INO80E: variants seen among roughly 807,000 people sequenced by gnomAD.
INO80E encodes coiled-coil domain containing 95.
In INO80E, 20 loss-of-function variants were observed where a neutral mutation model predicts 27.3. The ratio of observed to expected loss-of-function variants is 0.73; its 90% CI spans 0.51 to 1.06. The LOEUF (loss-of-function observed/expected upper bound fraction) is 1.06. Ranked by LOEUF, INO80E falls within the 50% of genes least tolerant of loss-of-function variation. INO80E has a pLI of 0.00. For synonymous variants in INO80E, 167 were observed against 145.9 expected (o/e 1.14, Z -1.04); for missense variants, 357 against 322.8 (o/e 1.11, Z -0.81).
Position 30,005,249 on chromosome 16 carries a change from T to C in INO80E, c.542T>C (p.Val181Ala). 1 of 1,467,250 alleles carries C rather than the reference T, an allele frequency of 6.8e-7. No individual in the cohort carries two copies. The highest frequency in any genetic ancestry group is 9.0e-7 in the Non-Finnish European group (1 of 1,113,444). 90.9% of individuals were successfully genotyped at this position (1,467,250 alleles called of 1,614,324 possible). The change falls in exon 7 of 7, where the codon GTG (valine) becomes GCG (alanine). Residue 181 changes from valine (V) to alanine (A), a missense_variant. Coordinates refer to ENST00000563197, the MANE Select transcript of INO80E (RefSeq NM_173618.3). ...GCGGTGGGACCCCCCGACTGCCCTG[T>C]GGGAGGGCCGCTGACCTTCCCTGGC... ...KMAVGPPDCPVGGPLTFPGRG... is the reference protein window; with the variant it reads ...KMAVGPPDCPAGGPLTFPGRG...
chr16:29,998,719 C>G (rs188645066), intron 3 of INO80E, among the ~76,000 whole-genome samples: 11 of 152,226 alleles, frequency 7.2e-5, no homozygotes, highest in African/African-American at 1.2e-4. Context: ...TAAGCCATGT[C>G]ACGTAGAATC....
intron 3 of INO80E, among the ~76,000 whole-genome samples, chr16:29,997,857 T>A (rs1242285937): frequency 1.3e-5 from 2 of 151,852 alleles, no homozygotes; most frequent in African/African-American, 4.8e-5. Flanking sequence ...AGAGTGACAT[T>A]TGAGTTGGGA....
chr16:30,001,014 G>A lies in INO80E; in HGVS notation c.370G>A (p.Gly124Arg), dbSNP rs201014829. 4.0e-4 allele frequency: 620 copies of A among 1,551,842 alleles called. 7 individuals are homozygous for A. The East Asian group carries it at 0.012, about 29-fold the overall frequency. ...PSTGFPLQAS[G>R]VPSPYLSSLA... ...AACAGGGTTTCCCCTTCAGGCCTCC[G>A]GGGTCCCCTCCCCATACCTGAGCTC... Residue 124 changes from glycine to arginine, a missense_variant, in exon 5 of 7, where the codon GGG (glycine) becomes AGG (arginine). Coordinates refer to ENST00000563197, the MANE Select transcript of INO80E (RefSeq NM_173618.3).
At chr16:30,000,420 G>T (rs956300543) in intron 3 of INO80E, among the ~76,000 whole-genome samples, 1 of 152,170 alleles carries the variant, frequency 6.6e-6, no homozygotes, top group Non-Finnish European at 1.5e-5. Flanking sequence ...ACCCAGGCTG[G>T]CGTGCAGTGT....
intron 6 of INO80E, 77 bp downstream of exon 6, chr16:30,001,607 C>A: frequency 1.5e-6 from 2 of 1,370,956 alleles, no homozygotes; most frequent in South Asian, 1.3e-5. Flanking sequence ...AAGGCGGGGG[C>A]CTGTCAGAGA....
At position 30,005,332 on chromosome 16, in the gene INO80E, C is replaced by A. The variant is rs1463079683; in HGVS notation, c.625C>A (p.Pro209Thr). Residue 209 changes from proline (P) to threonine (T), a missense_variant, in exon 7 of 7, where the codon CCC becomes ACC. Physicochemically the swap from Pro to Thr is conservative, Grantham distance 38. Transcript: ENST00000563197. ...TLTPLPPPKM[P>T]PPTILSTVPR... ...GACCCCCCTCCCACCCCCTAAGATGCCCCCCCCCACGATCCTGAGCACGGT... is the reference window on the plus strand; with the variant it reads ...GACCCCCCTCCCACCCCCTAAGATGACCCCCCCCACGATCCTGAGCACGGT... 1.5e-5 allele frequency: 4 copies of A among 262,946 alleles called. No homozygotes were observed. The South Asian group carries it at 3.1e-4, about 20-fold the overall frequency. The allele number at this position is 262,946 out of a possible 1,614,324, so 16.3% of individuals were successfully genotyped here. A position where few individuals can be genotyped will look rare whatever the true frequency, so the allele number is the denominator to read the frequency against.
rs1821151545 is a variant in INO80E at position 30,003,276 on chromosome 16, C to T, written c.513+1746C>T. 1 of 152,266 alleles carries T rather than the reference C, an allele frequency of 6.6e-6. No individual in the cohort carries two copies. The highest frequency in any genetic ancestry group is 6.6e-5 in the Admixed American group (1 of 15,260). 9.4% of individuals were successfully genotyped at this position (152,266 alleles called of 1,614,324 possible). The stretch of plus-strand genomic sequence containing the variant: ...CCCAGGGTGAGTGGATTTGGATATT[C>T]CTGGCTGAAGCCATAGTGGGAAGGG... On this transcript the variant is annotated intron_variant, in intron 6 of 6. Transcript: ENST00000563197. This position sits in a 1 kb window ranked among gnomAD's most constrained non-coding sequence, Gnocchi z 4.4.
chr16:29,998,796 A>G (rs1336872052), intron 3 of INO80E, among the ~76,000 whole-genome samples: 2 of 152,182 alleles, frequency 1.3e-5, no homozygotes, highest in Non-Finnish European at 2.9e-5. Context: ...TTGTAATCCC[A>G]GCACTTTGGG....
Position 30,005,480 on chromosome 16 carries a change from G to T in INO80E, c.*38G>T, listed in dbSNP as rs2070543547. Reference sequence around the variant, plus strand: ...GCCATGCCCACCACGGCCCCGCCCGGCGCCCTCCCCGTGCCAGCACACACG... The same window carrying T: ...GCCATGCCCACCACGGCCCCGCCCGTCGCCCTCCCCGTGCCAGCACACACG... On this transcript the variant is annotated 3_prime_UTR_variant, in exon 7 of 7. Transcript: ENST00000563197. The T allele has an allele frequency of 6.4e-7, 1 of 1,553,764 alleles. No individual in the cohort carries two copies. The highest frequency in any genetic ancestry group is 1.2e-5 in the South Asian group (1 of 84,458).
intron 1 of INO80E, 56 bp downstream of exon 1, chr16:29,996,447 C>G: frequency 1.3e-6 from 2 of 1,554,104 alleles, no homozygotes; most frequent in Non-Finnish European, 1.7e-6. Flanking sequence ...GACAAGATCT[C>G]AGTTTACCCA....
intron 3 of INO80E, among the ~76,000 whole-genome samples, chr16:29,998,388 G>C: frequency 6.6e-6 from 1 of 152,148 alleles, no homozygotes; most frequent in East Asian, 1.9e-4. Context: ...GTAAGAACAG[G>C]TCAGGCTTGG....
rs760489989 is a variant in INO80E at position 29,996,893 on chromosome 16, A to G, written c.205+33A>G. ...AGGTCTTCAAAAATTGGTGGAGAGC[A>G]TGGTTCCTGGTACTTAGCAAGCTTC... is the stretch of plus-strand genomic sequence containing the variant. On this transcript the variant is annotated intron_variant, in intron 3 of 6. Transcript: ENST00000563197. The G allele has an allele frequency of 1.1e-5, 18 of 1,608,170 alleles. No homozygotes were observed. The South Asian group carries it at 1.8e-4, about 16-fold the overall frequency.
At chr16:29,996,509 G>A (rs1324796190) in intron 1 of INO80E, 38 bp from the exon 2 acceptor site, 1 of 1,554,114 alleles carries the variant, frequency 6.4e-7, no homozygotes. Flanking sequence ...CCTTCACGGA[G>A]GACCGTTGGC....
At chr16:30,000,487 C>G (rs931970117) in intron 3 of INO80E, among the ~76,000 whole-genome samples, 1 of 152,134 alleles carries the variant, frequency 6.6e-6, no homozygotes, top group African/African-American at 2.4e-5. Flanking sequence ...CCTCAGCCTC[C>G]TGAGTAGCTG....
chr16:30,001,722 C>A, intron 6 of INO80E, 192 bp downstream of exon 6: 1 of 571,848 alleles, frequency 1.7e-6, no homozygotes, highest in Non-Finnish European at 3.1e-6. Context: ...AGGGCAGAAC[C>A]AGCCTTGGAG....
intron 2 of INO80E, 42 bp downstream of exon 2, chr16:29,996,659 G>T: frequency 1.3e-6 from 2 of 1,583,704 alleles, no homozygotes; most frequent in Non-Finnish European, 1.7e-6. Flanking sequence ...TGCTTCCTAG[G>T]AAATCTACAT....
chr16:30,001,084 G>A, intron 5 of INO80E, 44 bp downstream of exon 5: 2 of 1,506,742 alleles, frequency 1.3e-6, no homozygotes, highest in Non-Finnish European at 1.8e-6. Context: ...AGTAAGGTGG[G>A]CGTCATTTGG....
rs1232016088 is a variant in INO80E at position 30,001,290 on chromosome 16, G to GC, written c.397-120dup. The GC allele has an allele frequency of 5.4e-6, 8 of 1,491,462 alleles. No individual in the cohort carries two copies. The Admixed American group carries it at 1.1e-4, about 21-fold the overall frequency. 92.4% of individuals were successfully genotyped at this position (1,491,462 alleles called of 1,614,324 possible). A position where few individuals can be genotyped will look rare whatever the true frequency, so the allele number is the denominator to read the frequency against. On this transcript the variant is annotated intron_variant, in intron 5 of 6. Coordinates refer to ENST00000563197, the MANE Select transcript of INO80E (RefSeq NM_173618.3). ...CTGCCCGGCCCTTCTGTGCTCGGGA[G>GC]CCCCGGGAGCCGCACTCATCACCAT...
chr16:30,005,316 C>CG lies in INO80E; in HGVS notation c.609_610insG (p.Pro204AlafsTer4). 1.0e-6 allele frequency: 1 copy of CG among 976,194 alleles called. No individual in the cohort carries two copies. The highest frequency in any genetic ancestry group is 1.4e-6 in the Non-Finnish European group (1 of 734,224). 60.5% of individuals were successfully genotyped at this position (976,194 alleles called of 1,614,324 possible). ...GGGTCGGGACAACCCTGACCCCCCT[C>CG]CCACCCCCTAAGATGCCCCCCCCCA... On this transcript the variant is annotated frameshift_variant, in exon 7 of 7. Coordinates refer to ENST00000563197, the MANE Select transcript of INO80E (RefSeq NM_173618.3). LOFTEE classifies it high-confidence loss of function.
Sources: allele counts gnomAD v4.1 joint callset (sites outside exome capture counted in the v4.1 genomes callset), GRCh38; gene constraint gnomAD v4.1.1; non-coding constraint Gnocchi (gnomAD v3.1); transcripts MANE v1.5; gene names NCBI Gene and HGNC (gene_info 2026-07-23, HGNC 2026-07-21).